AFG3L2: variants seen among roughly 807,000 people sequenced by gnomAD.
AFG3L2 encodes mitochondrial inner membrane m-AAA protease component AFG3L2.
Under a neutral mutation model 94.5 loss-of-function variants are expected in AFG3L2, and 54 were observed. That is an observed-to-expected ratio of 0.57 (90% confidence interval 0.46 to 0.72). The LOEUF is 0.72. AFG3L2 is among the 30% of genes least tolerant of loss of function. AFG3L2 has a pLI of 0.00. For missense variants in AFG3L2, 754 were observed against 994.9 expected (o/e 0.76, Z 3.26); for synonymous variants, 377 against 365.5 (o/e 1.03, Z -0.36).
chr18:12,334,139 C>T (rs1005675287), intron 16 of AFG3L2, among the ~76,000 whole-genome samples: 27 of 152,226 alleles, frequency 1.8e-4, no homozygotes, highest in Admixed American at 1.0e-3. Context: ...TTCAGGAGCA[C>T]AGGCCCTAGC....
At chr18:12,344,653 T>G (rs2143142870) in intron 13 of AFG3L2, among the ~76,000 whole-genome samples, 1 of 150,618 alleles carries the variant, frequency 6.6e-6, no homozygotes, top group South Asian at 2.1e-4. Context: ...CAGCCTGGGC[T>G]ACAGAGTAAG....
intron 15 of AFG3L2, among the ~76,000 whole-genome samples, chr18:12,338,266 G>A (rs1907818226): frequency 6.6e-6 from 1 of 152,180 alleles, no homozygotes; most frequent in Non-Finnish European, 1.5e-5. Flanking sequence ...AGAGAAAGTA[G>A]AGAAGCAGCA....
At chr18:12,340,103 G>A (rs1479049590) in intron 15 of AFG3L2, 98 bp downstream of exon 15, 1 of 1,161,780 alleles carries the variant, frequency 8.6e-7, no homozygotes, top group Admixed American at 1.7e-5. Context: ...CTAAAACAGT[G>A]AAGCACAACT....
rs569269545 is a variant in AFG3L2 at position 12,375,824 on chromosome 18, C to T, written c.114+1145G>A. Among the ~76,000 whole-genome samples, 13 of 151,812 alleles carry T rather than the reference C, an allele frequency of 8.6e-5. No homozygotes were observed. The East Asian group carries it at 2.6e-3, about 30-fold the overall frequency. ...GGGATTACAGCCGTGAGCTACCGCG[C>T]CTGGCCTCTCCAGAAACTTTTTAAA... On this transcript the variant is annotated intron_variant, in intron 1 of 16. Transcript: ENST00000269143.
chr18:12,332,407 T>C (rs989757271), intron 16 of AFG3L2, among the ~76,000 whole-genome samples: 1 of 152,200 alleles, frequency 6.6e-6, no homozygotes, highest in Non-Finnish European at 1.5e-5. Context: ...CCAGACTTAT[T>C]TCTTGAGATA....
At chr18:12,360,745 G>A (rs557553124) in intron 6 of AFG3L2, among the ~76,000 whole-genome samples, 2 of 152,322 alleles carry the variant, frequency 1.3e-5, no homozygotes, top group East Asian at 1.9e-4. Context: ...CGTGTCTACT[G>A]ACTGAATATG....
intron 14 of AFG3L2, chr18:12,343,904 C>G (rs1908036063): frequency 1.7e-6 from 1 of 573,458 alleles, no homozygotes; most frequent in Admixed American, 3.0e-5. Flanking sequence ...CTCTCCAGCT[C>G]TCGCCTGCTT....
intron 1 of AFG3L2, among the ~76,000 whole-genome samples, chr18:12,375,191 G>A (rs1438082083): frequency 1.3e-5 from 2 of 151,536 alleles, no homozygotes; most frequent in East Asian, 1.9e-4. Context: ...ATTTAAGACT[G>A]GCAAGGGAGC....
At chr18:12,344,030 G>T in intron 14 of AFG3L2, 102 bp downstream of exon 14, 1 of 1,077,216 alleles carries the variant, frequency 9.3e-7, no homozygotes, top group Non-Finnish European at 1.4e-6. Flanking sequence ...CTAAAGCCTT[G>T]TTTCTTTCTC....
At chr18:12,375,390 T>G (rs1182820754) in intron 1 of AFG3L2, among the ~76,000 whole-genome samples, 3 of 140,432 alleles carry the variant, frequency 2.1e-5, no homozygotes, top group African/African-American at 8.0e-5. Flanking sequence ...ACTATAGTCA[T>G]AAGTCACTGA....
chr18:12,342,410 A>G (rs1907982086), intron 14 of AFG3L2: 1 of 152,088 alleles, frequency 6.6e-6, no homozygotes, highest in Admixed American at 6.5e-5. Context: ...TTTTCTTATT[A>G]TTGAGTTCTA....
chr18:12,376,859 G>A (rs1266473823), intron 1 of AFG3L2, 110 bp downstream of exon 1: 9 of 851,808 alleles, frequency 1.1e-5, no homozygotes, highest in South Asian at 3.1e-5. Context: ...GGCAGGGACG[G>A]CCCGCGTGCG....
At chr18:12,351,237 A>G (rs1320693767) in intron 11 of AFG3L2, 27 bp from the exon 12 acceptor site, 2 of 1,614,134 alleles carry the variant, frequency 1.2e-6, no homozygotes, top group Admixed American at 1.7e-5. Flanking sequence ...TAAGGAAAAG[A>G]AAATCATATT....
At chr18:12,367,231 G>A (rs1375032838) in intron 4 of AFG3L2, 45 bp downstream of exon 4, 6 of 1,612,680 alleles carry the variant, frequency 3.7e-6, no homozygotes, top group African/African-American at 1.3e-5. Flanking sequence ...CCTTCTCTGG[G>A]CCACCATCAT....
intron 6 of AFG3L2, among the ~76,000 whole-genome samples, chr18:12,363,020 C>G (rs1452657041): frequency 6.6e-6 from 1 of 152,206 alleles, no homozygotes; most frequent in African/African-American, 2.4e-5. Flanking sequence ...ATTAAAATAC[C>G]TTCCCAAACA....
chr18:12,351,064 T>C lies in AFG3L2; in HGVS notation c.1552+21A>G, dbSNP rs376789505. On this transcript the variant is annotated intron_variant, in intron 12 of 16. Transcript: ENST00000269143. ...GATTTTAATATGCTTCTAAATAGGG[T>C]CCTCGTTATTTTCCACTCACCTGAA... is the stretch of plus-strand genomic sequence containing the variant. 15 of 1,612,114 alleles carry C rather than the reference T, an allele frequency of 9.3e-6. No homozygotes were observed. In the African/African-American group the frequency reaches 2.0e-4, roughly 22 times the overall value.
intron 9 of AFG3L2, among the ~76,000 whole-genome samples, chr18:12,354,961 TC>T (rs879898845): frequency 6.6e-6 from 1 of 152,126 alleles, no homozygotes; most frequent in Non-Finnish European, 1.5e-5. Flanking sequence ...ACGCCTGTAA[TC>T]CCAGCACTTT....
In AFG3L2 at chr18:12,333,459, G is replaced by A. The variant is rs548228653; in HGVS notation, c.2176-3676C>T. ...TGTAGCCTCTAGCCTCAACTTCCTG[G>A]GCTCAGGTGATCCTCCCATCTCAGC... On this transcript the variant is annotated intron_variant, in intron 16 of 16. Coordinates refer to ENST00000269143, the MANE Select transcript of AFG3L2 (RefSeq NM_006796.3). Among the ~76,000 whole-genome samples, 3 of 149,718 alleles carry A rather than the reference G, an allele frequency of 2.0e-5. No individual in the cohort carries two copies. The South Asian group carries it at 6.3e-4, about 31-fold the overall frequency.
intron 9 of AFG3L2, 62 bp downstream of exon 9, chr18:12,356,632 T>G: frequency 1.2e-6 from 2 of 1,611,538 alleles, no homozygotes; most frequent in South Asian, 2.2e-5. Flanking sequence ...AGCAAGTGCC[T>G]CCATCTGTGG....
Sources: gnomAD v4.1 joint callset for allele counts (sites outside exome capture counted in the v4.1 genomes callset) on GRCh38, gnomAD v4.1.1 for gene constraint, MANE v1.5 for transcripts, NCBI Gene and HGNC (gene_info 2026-07-23, HGNC 2026-07-21) for gene names.